Variants in CADM2 observed in about 807,000 individuals in gnomAD.
CADM2 encodes the protein cell adhesion molecule 2, also known as immunoglobulin superfamily member 4D.
CADM2 carries 12 observed loss-of-function variants against 49.8 expected under a neutral mutation model. The observed-to-expected ratio is 0.24, with a 90% CI of 0.15 to 0.39. CADM2 has a LOEUF of 0.39. Ranked by LOEUF, CADM2 falls within the 10% of genes least tolerant of loss-of-function variation. The pLI, the probability that CADM2 is intolerant of heterozygous loss-of-function variation, is 1.00. For synonymous variants in CADM2, 214 were observed against 175.4 expected, an observed-to-expected ratio of 1.22 and a Z score of -1.74; for missense variants, 378 against 492.3, an observed-to-expected ratio of 0.77 and a Z score of 2.20.
intron 1 of CADM2, among the ~76,000 whole-genome samples, chr3:85,600,604 C>T (rs2063363242): frequency 6.6e-6 from 1 of 151,330 alleles, no homozygotes; most frequent in African/African-American, 2.4e-5. Flanking sequence ...GATGCTGAAA[C>T]AAGGAAGTTT....
At position 85,582,892 on chromosome 3, in the gene CADM2, G is replaced by A. The variant is rs575246590; in HGVS notation, c.62-143630G>A. 2.2e-4 allele frequency among the ~76,000 whole-genome samples: 33 copies of A among 152,148 alleles called. No homozygotes were observed. The South Asian group carries it at 6.6e-3, about 31-fold the overall frequency. On this transcript the variant is annotated intron_variant, in intron 1 of 9. Coordinates refer to ENST00000383699, the MANE Select transcript of CADM2 (RefSeq NM_001167675.2). Reference sequence around the variant, plus strand: ...CACCACATCCTTGTTGGTGACGGTTGGCAAGTCATTTACTTACCTTCTCTG... The same window carrying A: ...CACCACATCCTTGTTGGTGACGGTTAGCAAGTCATTTACTTACCTTCTCTG...
At chr3:85,695,373 T>G (rs2066518123) in intron 1 of CADM2, among the ~76,000 whole-genome samples, 1 of 152,024 alleles carries the variant, frequency 6.6e-6, no homozygotes, top group African/African-American at 2.4e-5. Flanking sequence ...CCATTATACC[T>G]TTGTATGCCC....
intron 5 of CADM2, among the ~76,000 whole-genome samples, chr3:85,899,058 T>C (rs1450924997): frequency 1.2e-4 from 17 of 142,864 alleles, no homozygotes; most frequent in Non-Finnish European, 1.4e-4. Context: ...CTCTGCCTCC[T>C]GGGTTGGAGC....
intron 1 of CADM2, among the ~76,000 whole-genome samples, chr3:85,616,010 C>G (rs748060840): frequency 6.6e-6 from 1 of 151,926 alleles, no homozygotes; most frequent in Non-Finnish European, 1.5e-5. Context: ...TGAGCTTGCA[C>G]TCTTGGTAAG....
intron 1 of CADM2, among the ~76,000 whole-genome samples, chr3:85,510,001 A>G (rs2040540418): frequency 6.6e-6 from 1 of 152,070 alleles, no homozygotes; most frequent in South Asian, 2.1e-4. Flanking sequence ...AGGACAGTCT[A>G]CAAGTAATAA....
intron 1 of CADM2, among the ~76,000 whole-genome samples, chr3:85,361,570 A>G (rs901899112): frequency 6.6e-6 from 1 of 152,216 alleles, no homozygotes; most frequent in Non-Finnish European, 1.5e-5. Context: ...AAGTGGTTCA[A>G]CAAAATAGAA....
chr3:84,984,290 A>G (rs2032407531), intron 1 of CADM2, among the ~76,000 whole-genome samples: 1 of 139,198 alleles, frequency 7.2e-6, no homozygotes. Flanking sequence ...GCCTCTCTCC[A>G]GGCCTTCTGC....
At chr3:85,744,746 T>A (rs1244533197) in intron 2 of CADM2, among the ~76,000 whole-genome samples, 1 of 151,882 alleles carries the variant, frequency 6.6e-6, no homozygotes, top group Admixed American at 6.6e-5. Flanking sequence ...GTGAAGAAGA[T>A]GGAGGCCAGG....
chr3:85,754,976 T>C (rs1024493959), intron 2 of CADM2, among the ~76,000 whole-genome samples: 23 of 152,230 alleles, frequency 1.5e-4, no homozygotes, highest in Non-Finnish European at 2.9e-4. Flanking sequence ...GTCAGATTCT[T>C]TTCAGTTGCA....
chr3:85,328,158 G>C (rs552695304), intron 1 of CADM2, among the ~76,000 whole-genome samples: 1 of 152,230 alleles, frequency 6.6e-6, no homozygotes, highest in South Asian at 2.1e-4. Flanking sequence ...CTTGTGATTT[G>C]TTAAGCTTTT....
At chr3:85,370,169 C>T (rs1208955502) in intron 1 of CADM2, among the ~76,000 whole-genome samples, 14 of 149,688 alleles carry the variant, frequency 9.4e-5, no homozygotes, top group Admixed American at 8.7e-4. Flanking sequence ...GCTGAGATAG[C>T]GCCATTGCAA....
At chr3:85,568,396 C>CCTCTTTCTTTTTCTTTCTTTCTCTCT (rs2062334414) in intron 1 of CADM2, among the ~76,000 whole-genome samples, 2 of 102,564 alleles carry the variant, frequency 1.9e-5, no homozygotes, top group Non-Finnish European at 2.2e-5. Context: ...TTCCTTCCTC[C>CCTCTTTCTTTTTCTTTCTTTCTCTCT]CTCTTTCTTT....
intron 1 of CADM2, among the ~76,000 whole-genome samples, chr3:85,133,005 C>T (rs965698664): frequency 6.6e-6 from 1 of 151,986 alleles, no homozygotes; most frequent in African/African-American, 2.4e-5. Flanking sequence ...GTCTGGCTGG[C>T]TCAGAAGTGA....
intron 1 of CADM2, among the ~76,000 whole-genome samples, chr3:85,250,286 A>AAT (rs1363257436): frequency 6.6e-6 from 1 of 151,680 alleles, no homozygotes; most frequent in Non-Finnish European, 1.5e-5. Flanking sequence ...AGAAACTCTT[A>AAT]ATATATATAG....
Position 85,669,087 on chromosome 3 carries a change from T to A in CADM2, c.62-57435T>A, listed in dbSNP as rs566290787. ...TTAAGAAGCTTGTTGCCTTTAAACT[T>A]GTTTACTGTACCTGTTCCTACCCTC... is the stretch of plus-strand genomic sequence containing the variant. On this transcript the variant is annotated intron_variant, in intron 1 of 9. Transcript: ENST00000383699. Among the ~76,000 whole-genome samples the A allele has an allele frequency of 7.8e-4, 119 of 152,244 alleles. 1 individual carries two copies. Among genetic ancestry groups the A allele is most frequent in the African/African-American group, 2.8e-3 (116 of 41,568 alleles).
chr3:85,656,323 A>C (rs2065194272), intron 1 of CADM2, among the ~76,000 whole-genome samples: 1 of 152,138 alleles, frequency 6.6e-6, no homozygotes, highest in Admixed American at 6.5e-5. Flanking sequence ...TAGCTTTAAA[A>C]TATTTAAGAA....
intron 8 of CADM2, among the ~76,000 whole-genome samples, chr3:85,972,397 CATCTCCACTAATA>C (rs1429096654): frequency 6.6e-6 from 1 of 151,746 alleles, no homozygotes; most frequent in African/African-American, 2.4e-5. Flanking sequence ...AACACTTCTA[CATCTCCACTAATA>C]ACTCTTAGTG....
intron 1 of CADM2, among the ~76,000 whole-genome samples, chr3:85,338,819 T>A (rs1462678006): frequency 6.6e-6 from 1 of 151,456 alleles, no homozygotes; most frequent in Non-Finnish European, 1.5e-5. Context: ...GGAATCCCAA[T>A]AAAATTTTAG....
rs550530979 is a variant in CADM2, at chr3:85,324,765, G to A, written c.61+365097G>A. Among the ~76,000 whole-genome samples the A allele has an allele frequency of 2.6e-5, 4 of 152,280 alleles. No homozygotes were observed. The South Asian group carries it at 8.3e-4, about 32-fold the overall frequency. ...GGTTGCATTCCAATTTACACTTGCAGATGTCTTCACTTAAAACCACATCGT... is the reference window on the plus strand; with the variant it reads ...GGTTGCATTCCAATTTACACTTGCAAATGTCTTCACTTAAAACCACATCGT... On this transcript the variant is annotated intron_variant, in intron 1 of 9. Transcript: ENST00000383699.
Sources: allele counts gnomAD v4.1 joint callset (sites outside exome capture counted in the v4.1 genomes callset), GRCh38; gene constraint gnomAD v4.1.1; transcripts MANE v1.5; gene names NCBI Gene and HGNC (gene_info 2026-07-23, HGNC 2026-07-21).